NOL4: variants seen among roughly 807,000 people sequenced by gnomAD.
NOL4 encodes the protein cancer/testis antigen 125.
Under a neutral mutation model 75.9 loss-of-function variants are expected in NOL4, and 17 were observed. The observed-to-expected ratio is 0.22, with a 90% confidence interval of 0.15 to 0.34. The LOEUF (loss-of-function observed/expected upper bound fraction) is 0.34. NOL4 is among the 10% of genes least tolerant of loss of function. NOL4 has a pLI of 1.00. For missense variants in NOL4, 614 were observed against 793.5 expected (o/e 0.77, Z 2.72); for synonymous variants, 292 against 289.9 (o/e 1.01, Z -0.07).
chr18:34,016,882 T>C (rs991961458), intron 6 of NOL4, among the ~76,000 whole-genome samples: 2 of 152,132 alleles, frequency 1.3e-5, no homozygotes, highest in Admixed American at 6.6e-5. Flanking sequence ...AATCCTTTAG[T>C]AAATATTTGG....
intron 1 of NOL4, among the ~76,000 whole-genome samples, chr18:34,216,966 G>A (rs1347095139): frequency 6.6e-6 from 1 of 151,750 alleles, no homozygotes; most frequent in African/African-American, 2.4e-5. Context: ...CATCATCCTA[G>A]TTTTAGAAAA....
chr18:34,192,697 A>G (rs906769809), intron 1 of NOL4, among the ~76,000 whole-genome samples: 8 of 152,216 alleles, frequency 5.3e-5, no homozygotes, highest in African/African-American at 1.7e-4. Flanking sequence ...TCACACTGCT[A>G]TTGCTTAAAT....
chr18:33,903,221 T>C (rs1456722883), intron 9 of NOL4, among the ~76,000 whole-genome samples: 1 of 152,110 alleles, frequency 6.6e-6, no homozygotes, highest in African/African-American at 2.4e-5. Context: ...ACGTCTTACA[T>C]GGTAGCAGAA....
chr18:33,869,018 C>T (rs1361992072), intron 10 of NOL4, among the ~76,000 whole-genome samples: 1 of 151,658 alleles, frequency 6.6e-6, no homozygotes, highest in African/African-American at 2.4e-5. Context: ...AAAAATGGTC[C>T]TCTTTTTGGC....
intron 5 of NOL4, among the ~76,000 whole-genome samples, chr18:34,060,997 G>T (rs1189635931): frequency 1.3e-5 from 2 of 152,106 alleles, no homozygotes; most frequent in Admixed American, 1.3e-4. Context: ...CAGACATTCA[G>T]CATTTTTTCT....
chr18:33,982,740 G>A (rs1027553770), intron 6 of NOL4, among the ~76,000 whole-genome samples: 5 of 148,966 alleles, frequency 3.4e-5, no homozygotes, highest in African/African-American at 1.2e-4. Flanking sequence ...CCAGACAATG[G>A]GATTTTTTTT....
At chr18:33,909,974 T>C (rs80284074) in intron 9 of NOL4, among the ~76,000 whole-genome samples, 2,255 of 152,270 alleles carry the variant, frequency 0.015, 51 homozygotes, top group African/African-American at 0.052. Context: ...ATCAAAAGAA[T>C]GATTTTAAAA....
At chr18:33,915,147 C>A (rs1289012783) in intron 9 of NOL4, among the ~76,000 whole-genome samples, 1 of 152,096 alleles carries the variant, frequency 6.6e-6, no homozygotes, top group Admixed American at 6.6e-5. Context: ...TCAACCGTGA[C>A]AAATGCCCCT....
chr18:34,164,178 T>C (rs951214087), intron 1 of NOL4, among the ~76,000 whole-genome samples: 3 of 152,098 alleles, frequency 2.0e-5, no homozygotes, highest in Non-Finnish European at 2.9e-5. Flanking sequence ...GACATAGGCA[T>C]GGGCAAGGAC....
chr18:34,011,476 T>C (rs1026097057), intron 6 of NOL4, among the ~76,000 whole-genome samples: 1 of 151,754 alleles, frequency 6.6e-6, no homozygotes, highest in Middle Eastern at 3.2e-3. Flanking sequence ...TTGAGACATA[T>C]ATAAATCACT....
intron 9 of NOL4, among the ~76,000 whole-genome samples, chr18:33,924,294 G>T (rs1359345157): frequency 1.3e-5 from 2 of 152,188 alleles, no homozygotes; most frequent in Non-Finnish European, 2.9e-5. Context: ...AGAACTAAAT[G>T]CTGGGACATT....
At chr18:34,126,149 G>C (rs1429204486) in intron 2 of NOL4, among the ~76,000 whole-genome samples, 1 of 152,164 alleles carries the variant, frequency 6.6e-6, no homozygotes, top group African/African-American at 2.4e-5. Context: ...AAGAAGGAGA[G>C]AAGTAACACC....
At chr18:33,958,021 CA>C (rs1332345058) in intron 7 of NOL4, among the ~76,000 whole-genome samples, 1 of 152,148 alleles carries the variant, frequency 6.6e-6, no homozygotes, top group Non-Finnish European at 1.5e-5. Context: ...CATACTCACA[CA>C]ACACAACTCC....
Position 34,222,421 on chromosome 18 carries a change from G to C in NOL4, c.264+569C>G, listed in dbSNP as rs922153093. ...GCGGCAACGATCTCTGGGAGTGATC[G>C]AGGCATTCGGGCTGCCCCGTGCCTC... On this transcript the variant is annotated intron_variant, in intron 1 of 10. Transcript: ENST00000261592. The C allele has an allele frequency of 3.6e-6, 4 of 1,120,344 alleles. No homozygotes were observed. In the African/African-American group the frequency reaches 6.6e-5, roughly 18 times the overall value. 69.4% of individuals were successfully genotyped at this position (1,120,344 alleles called of 1,614,324 possible).
At chr18:34,069,510 A>G (rs894049969) in intron 5 of NOL4, among the ~76,000 whole-genome samples, 1 of 152,202 alleles carries the variant, frequency 6.6e-6, no homozygotes, top group African/African-American at 2.4e-5. Context: ...AATTAACAAA[A>G]CTGATGAAAA....
At chr18:33,867,196 TG>T (rs1047938433) in intron 10 of NOL4, among the ~76,000 whole-genome samples, 18 of 152,190 alleles carry the variant, frequency 1.2e-4, no homozygotes, top group Non-Finnish European at 2.2e-4. Context: ...GATTTGAACC[TG>T]GGTTTTCCAC....
At chr18:33,927,983 T>C (rs1433648840) in intron 9 of NOL4, among the ~76,000 whole-genome samples, 2 of 152,192 alleles carry the variant, frequency 1.3e-5, no homozygotes, top group South Asian at 2.1e-4. Context: ...GTTTCTCTAA[T>C]ACACATATAT....
At chr18:34,043,585 C>A (rs2076233135) in intron 5 of NOL4, among the ~76,000 whole-genome samples, 2 of 152,058 alleles carry the variant, frequency 1.3e-5, no homozygotes, top group African/African-American at 4.8e-5. Context: ...ATCAGCCTCT[C>A]TTTATTAGTT....
At chr18:34,024,194 A>AATATATATATATATATATATATATAT (rs1555696185) in intron 5 of NOL4, among the ~76,000 whole-genome samples, 24 of 70,634 alleles carry the variant, frequency 3.4e-4, no homozygotes, top group African/African-American at 7.9e-4. Context: ...AAAAAAAAAA[A>AATATATATATATATATATATATATAT]ATATATATAT....
Sources: allele counts gnomAD v4.1 joint callset (sites outside exome capture counted in the v4.1 genomes callset), GRCh38; gene constraint gnomAD v4.1.1; transcripts MANE v1.5; gene names NCBI Gene and HGNC (gene_info 2026-07-23, HGNC 2026-07-21).